SUDS3: variants seen among roughly 807,000 people sequenced by gnomAD.
SUDS3 encodes the protein sin3 histone deacetylase corepressor complex component SDS3.
A neutral mutation model predicts 53.5 loss-of-function variants in SUDS3; 23 were observed. The ratio of observed to expected loss-of-function variants is 0.43; its 90% confidence interval spans 0.31 to 0.61. The LOEUF is 0.61. Ranked by LOEUF, SUDS3 falls within the 20% of genes least tolerant of loss-of-function variation. SUDS3 has a pLI of 0.10. For missense variants in SUDS3, 291 were observed against 405.9 expected (o/e 0.72, Z 2.43); for synonymous variants, 150 against 148.5 (o/e 1.01, Z -0.08).
chr12:118,406,707 T>TAAA (rs146517978), intron 10 of SUDS3, among the ~76,000 whole-genome samples: 1 of 148,244 alleles, frequency 6.7e-6, no homozygotes, highest in African/African-American at 2.5e-5. Context: ...TTAATTGGCC[T>TAAA]AAAAAAAAAA....
In SUDS3 at chr12:118,386,285, C is replaced by G. The variant is rs942345772; in HGVS notation, c.340+100C>G. The G allele has an allele frequency of 4.4e-6, 4 of 909,478 alleles. No homozygotes were observed. In the African/African-American group the frequency reaches 6.8e-5, roughly 15 times the overall value. 56.3% of individuals were successfully genotyped at this position (909,478 alleles called of 1,614,324 possible). A position where few individuals can be genotyped will look rare whatever the true frequency, so the allele number is the denominator to read the frequency against. On this transcript the variant is annotated intron_variant, in intron 4 of 11. Coordinates refer to ENST00000543473, the MANE Select transcript of SUDS3 (RefSeq NM_022491.3). ...CTAAGAGCTATTCTCCAAAACATAT[C>G]CCAGATACTCTGTCAGGGAGAGTTT...
chr12:118,377,594 G>A (rs547515193), intron 1 of SUDS3, among the ~76,000 whole-genome samples: 1 of 149,756 alleles, frequency 6.7e-6, no homozygotes, highest in South Asian at 2.1e-4. Flanking sequence ...TCAGTCCCAC[G>A]CTCTTTGCAC....
chr12:118,382,308 A>G (rs1290184225), intron 2 of SUDS3, among the ~76,000 whole-genome samples: 1 of 151,204 alleles, frequency 6.6e-6, no homozygotes, highest in Non-Finnish European at 1.5e-5. Flanking sequence ...TCAGCCTCCC[A>G]TCGTGTTGAG....
chr12:118,400,576 G>A (rs1433666442), intron 6 of SUDS3, 83 bp from the exon 7 acceptor site: 4 of 1,288,954 alleles, frequency 3.1e-6, no homozygotes, highest in African/African-American at 2.9e-5. Context: ...GGTGGCTGGG[G>A]GGCAGATATT....
rs532041954 is a variant in SUDS3 at position 118,414,595 on chromosome 12, C to T, written c.*162C>T. On this transcript the variant is annotated 3_prime_UTR_variant, in exon 12 of 12. Coordinates refer to ENST00000543473, the MANE Select transcript of SUDS3 (RefSeq NM_022491.3). ...GAATTCTTTAGGGCACTTTTGTGGC[C>T]GGATGCTTCCAACTTTGTCAGTCTT... 2.3e-4 allele frequency: 117 copies of T among 516,684 alleles called. 1 individual carries two copies. The highest frequency in any genetic ancestry group is 2.1e-3 in the African/African-American group (106 of 50,652). 32.0% of individuals were successfully genotyped at this position (516,684 alleles called of 1,614,324 possible).
rs1184066748 is a variant in SUDS3 at position 118,383,997 on chromosome 12, T to G, written c.213-15T>G. 7.0e-7 allele frequency: 1 copy of G among 1,434,266 alleles called. No individual in the cohort carries two copies. Among genetic ancestry groups the G allele is most frequent in the East Asian group, 3.5e-5 (1 of 28,256 alleles). The allele number at this position is 1,434,266 out of a possible 1,614,324, so 88.8% of individuals were successfully genotyped here. On this transcript the variant is annotated splice_polypyrimidine_tract_variant and intron_variant, in intron 2 of 11. Coordinates refer to ENST00000543473, the MANE Select transcript of SUDS3 (RefSeq NM_022491.3). ...AATGTTTTTATCTGTTAGTGTGACT[T>G]TTTTTTTTTTATAGGATGTATCAGG...
chr12:118,387,613 G>A (rs1160298414), intron 4 of SUDS3, among the ~76,000 whole-genome samples: 4 of 151,370 alleles, frequency 2.6e-5, no homozygotes, highest in South Asian at 2.1e-4. Flanking sequence ...GTGTGGTGGC[G>A]CTATCTCAGC....
rs149296852 is a variant in SUDS3, at chr12:118,391,502, C to G, written c.517+220C>G. Among the ~76,000 whole-genome samples, 1,173 of 152,288 alleles carry G rather than the reference C, an allele frequency of 7.7e-3. 23 individuals carry two copies. The highest frequency in any genetic ancestry group is 0.067 in the South Asian group (323 of 4,822). ...CCTCTATGAAATGGGGCTGATCATA[C>G]CCTCTCACAGGATTGTGGTTAGACA... On this transcript the variant is annotated intron_variant, in intron 6 of 11. Transcript: ENST00000543473.
intron 2 of SUDS3, among the ~76,000 whole-genome samples, chr12:118,381,395 T>C (rs2046057887): frequency 6.6e-6 from 1 of 151,374 alleles, no homozygotes; most frequent in South Asian, 2.1e-4. Flanking sequence ...TTATTTTTTT[T>C]GTGTGGAGAT....
chr12:118,397,486 T>C (rs1426345826), intron 6 of SUDS3, among the ~76,000 whole-genome samples: 1 of 152,186 alleles, frequency 6.6e-6, no homozygotes, highest in Non-Finnish European at 1.5e-5. Context: ...GCAAGGTGAC[T>C]TAAGTGGATA....
At chr12:118,384,524 C>T (rs1434679979) in intron 3 of SUDS3, among the ~76,000 whole-genome samples, 1 of 152,204 alleles carries the variant, frequency 6.6e-6, no homozygotes, top group Non-Finnish European at 1.5e-5. Flanking sequence ...GGCAGTGCAG[C>T]ATCAGAGTTA....
At chr12:118,397,751 A>T (rs1299198536) in intron 6 of SUDS3, among the ~76,000 whole-genome samples, 2 of 151,564 alleles carry the variant, frequency 1.3e-5, no homozygotes, top group Non-Finnish European at 2.9e-5. Flanking sequence ...ATTTCATAAG[A>T]ATTTGATTGT....
chr12:118,379,354 T>C (rs566315757), intron 1 of SUDS3, among the ~76,000 whole-genome samples: 1 of 152,236 alleles, frequency 6.6e-6, no homozygotes, highest in African/African-American at 2.4e-5. Flanking sequence ...GGAGAATCGC[T>C]TGAACCCAGG....
At chr12:118,387,942 A>G (rs983491246) in intron 4 of SUDS3, among the ~76,000 whole-genome samples, 1 of 152,224 alleles carries the variant, frequency 6.6e-6, no homozygotes, top group East Asian at 1.9e-4. Flanking sequence ...TAAAAAGCAC[A>G]TTCTTTTCAG....
At chr12:118,395,447 C>T (rs1199805061) in intron 6 of SUDS3, among the ~76,000 whole-genome samples, 2 of 151,456 alleles carry the variant, frequency 1.3e-5, no homozygotes, top group Non-Finnish European at 2.9e-5. Context: ...AGGATGGTCT[C>T]GATCTCCTGA....
chr12:118,409,772 T>G (rs1030014737), intron 10 of SUDS3, among the ~76,000 whole-genome samples: 5 of 152,234 alleles, frequency 3.3e-5, no homozygotes, highest in Admixed American at 2.0e-4. Context: ...CAGGCCAGGG[T>G]TGCTAGCTGC....
intron 3 of SUDS3, 59 bp from the exon 4 acceptor site, chr12:118,386,055 C>G (rs2046111865): frequency 2.2e-6 from 3 of 1,362,646 alleles, no homozygotes; most frequent in Admixed American, 2.0e-5. Flanking sequence ...TTTTAGGAAG[C>G]AAAATGTAGA....
At chr12:118,403,313 A>AT in intron 9 of SUDS3, 99 bp from the exon 10 acceptor site, 1 of 914,828 alleles carries the variant, frequency 1.1e-6, no homozygotes, top group Non-Finnish European at 1.7e-6. Context: ...AGTGATGATT[A>AT]TTACCACATT....
intron 11 of SUDS3, among the ~76,000 whole-genome samples, chr12:118,413,773 ACT>A (rs1177254704): frequency 6.6e-6 from 1 of 151,872 alleles, no homozygotes; most frequent in Admixed American, 6.6e-5. Flanking sequence ...GGAGGGAAGG[ACT>A]CTCGGAAGTG....
Sources: allele counts gnomAD v4.1 joint callset (sites outside exome capture counted in the v4.1 genomes callset), GRCh38; gene constraint gnomAD v4.1.1; transcripts MANE v1.5; gene names NCBI Gene and HGNC (gene_info 2026-07-23, HGNC 2026-07-21).